The following PXDN variants were observed in gnomAD, a reference collection of about 807,000 sequenced individuals.
The protein encoded by PXDN is peroxidasin.
In PXDN, 77 loss-of-function variants were observed where a neutral mutation model predicts 140.3. That is an observed-to-expected ratio of 0.55 (90% CI 0.46 to 0.66). The LOEUF is 0.66. PXDN is among the 30% of genes least tolerant of loss of function. PXDN has a pLI of 0.00. For missense variants in PXDN, 1,838 were observed against 2,039.5 expected (o/e 0.90, Z 1.90); for synonymous variants, 911 against 857.4 (o/e 1.06, Z -1.09).
chr2:1,679,275 G>A (rs1683808863), intron 7 of PXDN, among the ~76,000 whole-genome samples: 1 of 146,916 alleles, frequency 6.8e-6, no homozygotes, highest in African/African-American at 2.5e-5. Flanking sequence ...TGTGTGGATT[G>A]TATGTGCATG....
chr2:1,664,793 GA>G, intron 11 of PXDN, 164 bp downstream of exon 11: 1 of 608,132 alleles, frequency 1.6e-6, no homozygotes. Context: ...AGCCGCGGGG[GA>G]TGTGCAGACA....
At chr2:1,713,640 G>A (rs763912891) in intron 1 of PXDN, among the ~76,000 whole-genome samples, 22 of 152,204 alleles carry the variant, frequency 1.4e-4, no homozygotes, top group Non-Finnish European at 2.4e-4. Context: ...AATGGACCCC[G>A]GGTGGGCGGG....
intron 17 of PXDN, among the ~76,000 whole-genome samples, chr2:1,647,958 C>T (rs575172649): frequency 6.6e-6 from 1 of 152,278 alleles, no homozygotes; most frequent in Non-Finnish European, 1.5e-5. Context: ...GGCCCTCCAC[C>T]GTCCATCCAC....
Position 1,677,226 on chromosome 2 carries a change from G to A in PXDN, c.731-182C>T, listed in dbSNP as rs569510225. On this transcript the variant is annotated intron_variant, in intron 7 of 22. Coordinates refer to ENST00000252804, the MANE Select transcript of PXDN (RefSeq NM_012293.3). ...TTCTCTACAGCCCCGTCTATGGTGC[G>A]GATCTACATGATGTCTATGCCTCAG... Among the ~76,000 whole-genome samples, 6 of 152,196 alleles carry A rather than the reference G, an allele frequency of 3.9e-5. No homozygotes were observed. In the South Asian group the frequency reaches 6.2e-4, roughly 16 times the overall value.
At position 1,645,058 on chromosome 2, in the gene PXDN, C is replaced by T. The variant is rs139128466; in HGVS notation, c.3609-306G>A. On this transcript the variant is annotated intron_variant, in intron 17 of 22. Transcript: ENST00000252804. ...ACCTTTTCCAACTATTCAGGGATAA[C>T]CACACGTAACATCATAATGTATACC... is the stretch of plus-strand genomic sequence containing the variant. Among the ~76,000 whole-genome samples, 18 of 152,192 alleles carry T rather than the reference C, an allele frequency of 1.2e-4. No homozygotes were observed. In the East Asian group the frequency reaches 2.7e-3, roughly 23 times the overall value.
rs1245229045 is a variant in PXDN at position 1,654,490 on chromosome 2, T to C, written c.1856A>G (p.Asn619Ser). The C allele has an allele frequency of 1.2e-6, 2 of 1,613,268 alleles. No individual in the cohort carries two copies. Among genetic ancestry groups the C allele is most frequent in the South Asian group, 2.2e-5 (2 of 91,046 alleles). The change falls in exon 15 of 23, where the codon AAT becomes AGT. Residue 619 changes from asparagine (N) to serine (S), a missense_variant. By Grantham distance (46) the Asn-to-Ser change is conservative. This residue lies in a region of PXDN where 537 missense variants were observed against 583.9 expected (regional missense o/e 0.92). Transcript: ENST00000252804. Reference protein sequence around the residue: ...LSVNVPDVSRNGDPFVATSIV... With the variant: ...LSVNVPDVSRSGDPFVATSIV... ...GGAGGTAGCTACAAACGGATCTCCA[T>C]TTCGACTGACGTCAGGAACTAGGAA...
chr2:1,737,388 G>A (rs149587251), intron 1 of PXDN, among the ~76,000 whole-genome samples: 4 of 152,176 alleles, frequency 2.6e-5, no homozygotes, highest in Non-Finnish European at 4.4e-5. Flanking sequence ...ACGAAACAGC[G>A]GACAGTCTAC....
At chr2:1,730,825 G>T (rs1685295655) in intron 1 of PXDN, among the ~76,000 whole-genome samples, 1 of 152,168 alleles carries the variant, frequency 6.6e-6, no homozygotes, top group Non-Finnish European at 1.5e-5. Context: ...CAATCCGGCT[G>T]TGACCTATGG....
rs915905888 is a variant in PXDN, at chr2:1,687,120, C to A, written c.416+512G>T. Among the ~76,000 whole-genome samples, 1 of 152,250 alleles carries A rather than the reference C, an allele frequency of 6.6e-6. No homozygotes were observed. The highest frequency in any genetic ancestry group is 1.5e-5 in the Non-Finnish European group (1 of 68,052). ...AGAGCGTTTCATGACACACTGCATA[C>A]ACTAACTAGAACTACAAGGGAAAGA... On this transcript the variant is annotated intron_variant, in intron 4 of 22. Transcript: ENST00000252804. The surrounding 1 kb of genome is among the most constrained non-coding windows in gnomAD (Gnocchi z 4.0).
At position 1,660,759 on chromosome 2, in the gene PXDN, G is replaced by T; in HGVS notation, c.1837+122C>A. On this transcript the variant is annotated intron_variant, in intron 14 of 22. Coordinates refer to ENST00000252804, the MANE Select transcript of PXDN (RefSeq NM_012293.3). This position sits in a 1 kb window ranked among gnomAD's most constrained non-coding sequence, Gnocchi z 4.6. ...GAGAGTGTCCCCACCTGGGAATCAA[G>T]GGTGCTTTGTCTTCTGAATAATTCT... 1 of 1,287,710 alleles carries T rather than the reference G, an allele frequency of 7.8e-7. No individual in the cohort carries two copies. Among genetic ancestry groups the T allele is most frequent in the Non-Finnish European group, 1.0e-6 (1 of 956,232 alleles). The allele number at this position is 1,287,710 out of a possible 1,614,324, so 79.8% of individuals were successfully genotyped here. A position where few individuals can be genotyped will look rare whatever the true frequency, so the allele number is the denominator to read the frequency against.
chr2:1,673,616 C>A (rs774682908), intron 9 of PXDN, 27 bp downstream of exon 9: 239 of 1,594,672 alleles, frequency 1.5e-4, no homozygotes, highest in Non-Finnish European at 1.9e-4. Context: ...CTGGATGGAA[C>A]CCCGGTGTGA....
At position 1,639,331 on chromosome 2, in the gene PXDN, G is replaced by A; in HGVS notation, c.4044C>T (p.Thr1348=). ...GTATTTTCCGTGGTCTTGTTTTCTT[G>A]GTCGGCTTGTCCTCCTGGTAGCTGA... ...LEFSYQEDKP[T]KKTRPRKIPS... Residue 1348 remains threonine, a synonymous_variant, in exon 20 of 23, where the codon ACC becomes ACT. Coordinates refer to ENST00000252804, the MANE Select transcript of PXDN (RefSeq NM_012293.3). The surrounding 1 kb of genome is among the most constrained non-coding windows in gnomAD (Gnocchi z 5.0). 1 of 1,613,950 alleles carries A rather than the reference G, an allele frequency of 6.2e-7. No homozygotes were observed. Among genetic ancestry groups the A allele is most frequent in the Non-Finnish European group, 8.5e-7 (1 of 1,179,852 alleles).
In PXDN at chr2:1,634,821, G is replaced by A. The variant is rs192571859; in HGVS notation, c.4321-498C>T. Among the ~76,000 whole-genome samples the A allele has an allele frequency of 1.1e-4, 16 of 152,314 alleles. No individual in the cohort carries two copies. In the East Asian group the frequency reaches 1.7e-3, roughly 17 times the overall value. On this transcript the variant is annotated intron_variant, in intron 22 of 22. Transcript: ENST00000252804. Reference sequence around the variant, plus strand: ...AATGGCCATGGCAAGAGAAGTGCCCGGGCTGGCGCGCTGTCCTCCCCATCC... The same window carrying A: ...AATGGCCATGGCAAGAGAAGTGCCCAGGCTGGCGCGCTGTCCTCCCCATCC...
At chr2:1,675,880 T>A (rs1683693808) in intron 8 of PXDN, among the ~76,000 whole-genome samples, 1 of 152,040 alleles carries the variant, frequency 6.6e-6, no homozygotes, top group African/African-American at 2.4e-5. Flanking sequence ...GCCTCATGAC[T>A]AAACATGGCC....
chr2:1,731,001 A>G (rs1033028443), intron 1 of PXDN, among the ~76,000 whole-genome samples: 2 of 152,202 alleles, frequency 1.3e-5, no homozygotes, highest in Non-Finnish European at 2.9e-5. Context: ...AGCCCACATT[A>G]GAAGCTGGGT....
intron 13 of PXDN, among the ~76,000 whole-genome samples, chr2:1,661,803 C>T (rs548718156): frequency 6.6e-6 from 1 of 152,302 alleles, no homozygotes; most frequent in Admixed American, 6.5e-5. Flanking sequence ...AAATGGAATG[C>T]TCCAAGTTTG....
intron 1 of PXDN, 39 bp from the exon 2 acceptor site, chr2:1,693,173 A>T: frequency 6.8e-7 from 1 of 1,467,618 alleles, no homozygotes; most frequent in Non-Finnish European, 9.3e-7. Flanking sequence ...CGTGAAAAAA[A>T]ATCTACAAAC....
intron 1 of PXDN, among the ~76,000 whole-genome samples, chr2:1,705,129 C>A (rs940921769): frequency 6.6e-6 from 1 of 151,930 alleles, no homozygotes; most frequent in South Asian, 2.1e-4. Context: ...GCAGAGGGCA[C>A]GTCTGCACAC....
rs1031107155 is a variant in PXDN, at chr2:1,685,343, T to G, written c.417-1192A>C. On this transcript the variant is annotated intron_variant, in intron 4 of 22. Transcript: ENST00000252804. The surrounding 1 kb of genome is among the most constrained non-coding windows in gnomAD (Gnocchi z 5.1). ...CAAGGAAAACCGCCGTGGGCGAGCATGACGGGCGGGCACCTGACGCGCGGG... is the reference window on the plus strand; with the variant it reads ...CAAGGAAAACCGCCGTGGGCGAGCAGGACGGGCGGGCACCTGACGCGCGGG... 1.3e-5 allele frequency among the ~76,000 whole-genome samples: 2 copies of G among 152,172 alleles called. No homozygotes were observed. Among genetic ancestry groups the G allele is most frequent in the African/African-American group, 2.4e-5 (1 of 41,456 alleles).
Sources: allele counts gnomAD v4.1 joint callset (sites outside exome capture counted in the v4.1 genomes callset), GRCh38; gene constraint gnomAD v4.1.1; regional missense constraint gnomAD v4.1.1; non-coding constraint Gnocchi (gnomAD v3.1); transcripts MANE v1.5; gene names NCBI Gene and HGNC (gene_info 2026-07-23, HGNC 2026-07-21).